The following EXOC2 variants were observed in gnomAD, a reference collection of about 807,000 sequenced individuals.
The protein encoded by EXOC2 is exocyst complex component 2.
EXOC2 carries 70 observed loss-of-function variants against 131.8 expected under a neutral mutation model. That is an observed-to-expected ratio of 0.53 (90% confidence interval 0.44 to 0.65). The LOEUF is 0.65. Ranked by LOEUF, EXOC2 falls within the 30% of genes least tolerant of loss-of-function variation. The pLI is 0.00. For missense variants in EXOC2, 923 were observed against 1,108.6 expected, an observed-to-expected ratio of 0.83 and a Z score of 2.38; for synonymous variants, 411 against 398.4, an observed-to-expected ratio of 1.03 and a Z score of -0.38.
chr6:514,869 C>T (rs907288489), intron 23 of EXOC2, among the ~76,000 whole-genome samples: 7 of 152,164 alleles, frequency 4.6e-5, no homozygotes, highest in Non-Finnish European at 1.0e-4. Flanking sequence ...AGCGAGGGAG[C>T]CAGGGAGGCA....
intron 23 of EXOC2, among the ~76,000 whole-genome samples, chr6:508,431 TA>T (rs1297948582): frequency 2.0e-5 from 3 of 152,214 alleles, no homozygotes; most frequent in African/African-American, 7.2e-5. Flanking sequence ...TTCACTGCCC[TA>T]AAACTCCTCT....
intron 23 of EXOC2, among the ~76,000 whole-genome samples, chr6:519,014 G>A (rs1467790066): frequency 1.3e-5 from 2 of 152,210 alleles, no homozygotes; most frequent in African/African-American, 4.8e-5. Context: ...AAAGTGCCAA[G>A]TACTCAATGA....
At chr6:502,013 T>G (rs1360746015) in intron 23 of EXOC2, among the ~76,000 whole-genome samples, 1 of 152,148 alleles carries the variant, frequency 6.6e-6, no homozygotes, top group African/African-American at 2.4e-5. Context: ...CTGCTCCCGC[T>G]GCTGTGGGGG....
chr6:499,841 C>G, intron 23 of EXOC2, 141 bp from the exon 24 acceptor site: 1 of 633,938 alleles, frequency 1.6e-6, no homozygotes, highest in Non-Finnish European at 2.8e-6. Flanking sequence ...TTTTGAGAAT[C>G]AAATGGTGAA....
intron 1 of EXOC2, among the ~76,000 whole-genome samples, chr6:658,649 A>ATATATATATATATTT (rs1763257285): frequency 1.5e-5 from 1 of 68,278 alleles, no homozygotes; most frequent in African/African-American, 4.9e-5. Context: ...TATATTTTAT[A>ATATATATATATATTT]TATATATATA....
chr6:594,555 C>T (rs1043988739), intron 10 of EXOC2, among the ~76,000 whole-genome samples: 1 of 152,128 alleles, frequency 6.6e-6, no homozygotes, highest in Non-Finnish European at 1.5e-5. Context: ...TAGACAGTTC[C>T]GTACAAGGGT....
chr6:527,173 C>T (rs948045610), intron 23 of EXOC2, among the ~76,000 whole-genome samples: 1 of 152,184 alleles, frequency 6.6e-6, no homozygotes, highest in African/African-American at 2.4e-5. Flanking sequence ...CTACATTAAA[C>T]TTTGAGGTCT....
At chr6:493,345 AT>A (rs1262824926) in intron 25 of EXOC2, among the ~76,000 whole-genome samples, 1 of 152,214 alleles carries the variant, frequency 6.6e-6, no homozygotes, top group Non-Finnish European at 1.5e-5. Context: ...TTCTGTCTCT[AT>A]TTTGTTTATA....
rs150330179 is a variant in EXOC2 at position 559,973 on chromosome 6, A to C, written c.1851+2811T>G. 3.9e-5 allele frequency among the ~76,000 whole-genome samples: 6 copies of C among 152,280 alleles called. No individual in the cohort carries two copies. In the East Asian group the frequency reaches 1.2e-3, roughly 29 times the overall value. On this transcript the variant is annotated intron_variant, in intron 17 of 27. Coordinates refer to ENST00000230449, the MANE Select transcript of EXOC2 (RefSeq NM_018303.6). ...AGGCAGGTATGTCTAACCTGCCTGCACCTGCTTCATCTCGGGCAAGTGATT... is the reference window on the plus strand; with the variant it reads ...AGGCAGGTATGTCTAACCTGCCTGCCCCTGCTTCATCTCGGGCAAGTGATT...
intron 23 of EXOC2, among the ~76,000 whole-genome samples, chr6:512,603 C>G (rs1239155282): frequency 1.3e-5 from 2 of 152,152 alleles, no homozygotes; most frequent in Non-Finnish European, 2.9e-5. Flanking sequence ...CAGGTTGGCA[C>G]CCCAACTATC....
chr6:599,149 T>G lies in EXOC2; in HGVS notation c.819A>C (p.Ala273=). Reference sequence around the variant, plus strand: ...ACTTAAATCGCTGAAGCACATTGAGTGCATTTCTAGTGGAATCTGCCTTGT... The same window carrying G: ...ACTTAAATCGCTGAAGCACATTGAGGGCATTTCTAGTGGAATCTGCCTTGT... The part of the protein sequence containing the change: ...RKDKADSTRN[A]LNVLQRFKFL... The change falls in exon 8 of 28, where the codon GCA becomes GCC. Residue 273 remains alanine (A), a synonymous_variant. Transcript: ENST00000230449. The G allele has an allele frequency of 3.7e-6, 6 of 1,613,390 alleles. No homozygotes were observed. Among genetic ancestry groups the G allele is most frequent in the Non-Finnish European group, 5.1e-6 (6 of 1,179,568 alleles).
Position 617,963 on chromosome 6 carries a change from G to A in EXOC2, c.537-128C>T, listed in dbSNP as rs9504460. 1.1e-3 allele frequency: 1,152 copies of A among 1,064,114 alleles called. 8 individuals carry two copies. In the African/African-American group the frequency reaches 0.017, roughly 16 times the overall value. 65.9% of individuals were successfully genotyped at this position (1,064,114 alleles called of 1,614,324 possible). A position where few individuals can be genotyped will look rare whatever the true frequency, so the allele number is the denominator to read the frequency against. On this transcript the variant is annotated intron_variant, in intron 5 of 27. Coordinates refer to ENST00000230449, the MANE Select transcript of EXOC2 (RefSeq NM_018303.6). ...AGTAGCACACAGATTAATATCATAC[G>A]AAGCCAGATGAAATCAAAAAGCTTT...
chr6:681,964 T>TA (rs1185629497), intron 1 of EXOC2, among the ~76,000 whole-genome samples: 1 of 152,154 alleles, frequency 6.6e-6, no homozygotes, highest in Non-Finnish European at 1.5e-5. Flanking sequence ...AAAGCTAAGG[T>TA]AGAAATGGAG....
At chr6:509,384 C>T (rs559645133) in intron 23 of EXOC2, among the ~76,000 whole-genome samples, 76 of 152,312 alleles carry the variant, frequency 5.0e-4, no homozygotes, top group African/African-American at 1.7e-3. Context: ...TTCTGCCAAC[C>T]TATCATGCAA....
intron 1 of EXOC2, among the ~76,000 whole-genome samples, chr6:638,350 A>C (rs977029642): frequency 3.9e-5 from 6 of 152,224 alleles, no homozygotes; most frequent in Non-Finnish European, 7.3e-5. Context: ...TGCTCAAATC[A>C]ATGCAATATA....
At chr6:622,355 T>C (rs1761335455) in intron 4 of EXOC2, among the ~76,000 whole-genome samples, 1 of 152,164 alleles carries the variant, frequency 6.6e-6, no homozygotes. Context: ...CAAGTCCAAG[T>C]AACCTAAGGA....
chr6:655,960 T>A (rs748676608), intron 1 of EXOC2: 6 of 614,560 alleles, frequency 9.8e-6, no homozygotes, highest in Admixed American at 5.9e-5. Flanking sequence ...TGCTTTAATA[T>A]AAATTTTGCA....
Position 592,566 on chromosome 6 carries a change from C to T in EXOC2, c.1095G>A (p.Ala365=), listed in dbSNP as rs62385137. The T allele has an allele frequency of 2.2e-4, 351 of 1,613,828 alleles. 2 individuals carry two copies. Among genetic ancestry groups the T allele is most frequent in the Middle Eastern group, 4.9e-4 (3 of 6,084 alleles). ...RYIRYLSDLH[A]SGDPAWQCIG... is the part of the protein sequence containing the mutation. ...TGCATTGCCAAGCAGGGTCACCAGA[C>T]GCATGAAGGTCAGACAGGTACCTGA... is the stretch of plus-strand genomic sequence containing the variant. The change falls in exon 11 of 28, where the codon GCG becomes GCA. Residue 365 remains alanine, a synonymous_variant. Coordinates refer to ENST00000230449, the MANE Select transcript of EXOC2 (RefSeq NM_018303.6).
intron 2 of EXOC2, 99 bp from the exon 3 acceptor site, chr6:633,216 T>C: frequency 1.6e-6 from 2 of 1,271,312 alleles, no homozygotes; most frequent in Non-Finnish European, 2.2e-6. Flanking sequence ...TGTTCAATAA[T>C]GACATTATTG....
Sources: gnomAD v4.1 joint callset for allele counts (sites outside exome capture counted in the v4.1 genomes callset) on GRCh38, gnomAD v4.1.1 for gene constraint, MANE v1.5 for transcripts, NCBI Gene and HGNC (gene_info 2026-07-23, HGNC 2026-07-21) for gene names.